Variants in PGM2L1 observed in about 807,000 individuals in gnomAD.
PGM2L1 encodes the protein glucose 1,6-bisphosphate synthase.
In PGM2L1, 35 loss-of-function variants were observed where a neutral mutation model predicts 73.4. The observed-to-expected ratio is 0.48, with a 90% CI of 0.36 to 0.63. The LOEUF is 0.63. Among genes scored for constraint, PGM2L1 ranks in the 30% least tolerant of loss-of-function variants. The pLI is 0.00. For missense variants in PGM2L1, 570 were observed against 742.0 expected (o/e 0.77, Z 2.69); for synonymous variants, 225 against 253.8 (o/e 0.89, Z 1.08).
At chr11:74,375,827 C>A (rs777117455) in intron 1 of PGM2L1, among the ~76,000 whole-genome samples, 3 of 152,032 alleles carry the variant, frequency 2.0e-5, no homozygotes, top group Non-Finnish European at 4.4e-5. Context: ...CACACACTAA[C>A]AAATAACCTA....
At chr11:74,395,547 G>A (rs1863159426) in intron 1 of PGM2L1, among the ~76,000 whole-genome samples, 1 of 94,344 alleles carries the variant, frequency 1.1e-5, no homozygotes, top group Non-Finnish European at 2.0e-5. Context: ...CACCTCGCCT[G>A]GCTTTTTTTT....
intron 5 of PGM2L1, among the ~76,000 whole-genome samples, chr11:74,363,644 C>A (rs1471628377): frequency 1.3e-5 from 2 of 152,196 alleles, no homozygotes. Context: ...CACATACACC[C>A]TCCCAAGACT....
At chr11:74,336,824 AT>A in intron 13 of PGM2L1, 70 bp from the exon 14 acceptor site, 1 of 1,056,220 alleles carries the variant, frequency 9.5e-7, no homozygotes. Context: ...AATTAGTGTG[AT>A]TTTTTAAGAG....
At position 74,370,979 on chromosome 11, in the gene PGM2L1, T is replaced by C; in HGVS notation, c.394A>G (p.Lys132Glu). 1.2e-6 allele frequency: 2 copies of C among 1,612,932 alleles called. No individual in the cohort carries two copies. The highest frequency in any genetic ancestry group is 1.1e-5 in the South Asian group (1 of 91,040). Reference sequence around the variant, plus strand: ...GCCAGCAAGACTGCAGCAGTGAGTTTAGCAAGCCTAAAAAAAGAGAGATTT... The same window carrying C: ...GCCAGCAAGACTGCAGCAGTGAGTTCAGCAAGCCTAAAAAAAGAGAGATTT... Reference protein sequence around the residue: ...TSSCSSQRLAKLTAAVLLAKD... With the variant: ...TSSCSSQRLAELTAAVLLAKD... Residue 132 changes from lysine to glutamate, a missense_variant, in exon 4 of 14, where the codon AAA (lysine) becomes GAA (glutamate). Transcript: ENST00000298198.
chr11:74,336,869 A>G, intron 13 of PGM2L1, 115 bp from the exon 14 acceptor site: 1 of 674,416 alleles, frequency 1.5e-6, no homozygotes, highest in Non-Finnish European at 2.3e-6. Flanking sequence ...TTGGTAAACA[A>G]AAGAGAAATT....
intron 6 of PGM2L1, among the ~76,000 whole-genome samples, chr11:74,348,124 T>C (rs1862297383): frequency 6.6e-6 from 1 of 152,144 alleles, no homozygotes; most frequent in South Asian, 2.1e-4. Flanking sequence ...GTGTTCTTTG[T>C]ATCAAAGGTC....
intron 4 of PGM2L1, among the ~76,000 whole-genome samples, chr11:74,369,287 A>G (rs1387034293): frequency 4.6e-5 from 7 of 152,094 alleles, no homozygotes; most frequent in Non-Finnish European, 8.8e-5. Context: ...ACAGTGTACA[A>G]AAATGGATAA....
chr11:74,398,186 G>T lies in PGM2L1; in HGVS notation c.-25C>A, dbSNP rs139636577. On this transcript the variant is annotated 5_prime_UTR_variant, in exon 1 of 14. Transcript: ENST00000298198. ...TGGCGACCAGACAGGCGTACGGGCC[G>T]GGGGCCGGCGAAGACACTGAGTTGG... 2.1e-3 allele frequency: 3,344 copies of T among 1,592,518 alleles called. 91 individuals carry two copies. The East Asian group carries it at 0.06, about 28-fold the overall frequency.
intron 1 of PGM2L1, among the ~76,000 whole-genome samples, chr11:74,378,459 T>C (rs1215696275): frequency 6.6e-6 from 1 of 152,200 alleles, no homozygotes; most frequent in Non-Finnish European, 1.5e-5. Context: ...TCCAAAAAAG[T>C]AATCCTGCAG....
intron 1 of PGM2L1, among the ~76,000 whole-genome samples, chr11:74,374,932 T>A (rs1862834592): frequency 6.6e-6 from 1 of 152,174 alleles, no homozygotes; most frequent in Non-Finnish European, 1.5e-5. Flanking sequence ...GTTTCAATCA[T>A]AGTTCACTGT....
intron 5 of PGM2L1, among the ~76,000 whole-genome samples, chr11:74,358,375 A>G (rs768540926): frequency 2.6e-5 from 4 of 152,230 alleles, no homozygotes; most frequent in Non-Finnish European, 4.4e-5. Flanking sequence ...CAAATATCTT[A>G]TAAATACATG....
At chr11:74,360,779 A>G (rs1862550179) in intron 5 of PGM2L1, among the ~76,000 whole-genome samples, 1 of 152,208 alleles carries the variant, frequency 6.6e-6, no homozygotes, top group Admixed American at 6.5e-5. Context: ...GGAGGGTCCC[A>G]TGCCCACAGA....
intron 1 of PGM2L1, among the ~76,000 whole-genome samples, chr11:74,396,611 T>C (rs1863180727): frequency 6.6e-6 from 1 of 152,088 alleles, no homozygotes; most frequent in Non-Finnish European, 1.5e-5. Flanking sequence ...AGACGGGGTT[T>C]CACCATGTTA....
chr11:74,395,251 A>C (rs1351324186), intron 1 of PGM2L1, among the ~76,000 whole-genome samples: 1 of 152,072 alleles, frequency 6.6e-6, no homozygotes, highest in Non-Finnish European at 1.5e-5. Context: ...ATTTTCTTTA[A>C]AGATATGATC....
At position 74,351,973 on chromosome 11, in the gene PGM2L1, TAAATAA is replaced by T. The variant is rs796469408; in HGVS notation, c.556-403_556-398del. 1.8e-3 allele frequency among the ~76,000 whole-genome samples: 253 copies of T among 142,014 alleles called. 3 individuals carry two copies. The highest frequency in any genetic ancestry group is 1.7e-3 in the Admixed American group (25 of 14,624). The allele number at this position is 142,014 out of a possible 152,430, so 93.2% of individuals were successfully genotyped here. On this transcript the variant is annotated intron_variant, in intron 5 of 13. Transcript: ENST00000298198. ...CGAGACTCTGTCTCAAAAAAAAAAA[TAAATAA>T]AAATAAAAATAAAAATAAAGCATAT...
rs759039164 is a variant in PGM2L1, at chr11:74,343,283, TATCA to T, written c.1312+36_1312+39del. The T allele has an allele frequency of 2.2e-5, 33 of 1,534,480 alleles. No individual in the cohort carries two copies. In the South Asian group the frequency reaches 2.8e-4, roughly 13 times the overall value. The stretch of plus-strand genomic sequence containing the variant: ...TCCTACAGAATTACATTTTAAAAAT[TATCA>T]ATCAAATTTTGAAGATTTTAATATT... On this transcript the variant is annotated intron_variant, in intron 10 of 13. Transcript: ENST00000298198.
At chr11:74,377,571 T>C (rs551142620) in intron 1 of PGM2L1, among the ~76,000 whole-genome samples, 120 of 152,202 alleles carry the variant, frequency 7.9e-4, no homozygotes, top group Non-Finnish European at 1.1e-3. Context: ...AAGTATTCCA[T>C]GCAAATATAA....
intron 5 of PGM2L1, among the ~76,000 whole-genome samples, chr11:74,362,428 A>G (rs1053590563): frequency 6.6e-6 from 1 of 152,224 alleles, no homozygotes; most frequent in Non-Finnish European, 1.5e-5. Context: ...GGTACCAGCC[A>G]CTGCAAAAAC....
chr11:74,345,164 T>C (rs1306194376), intron 9 of PGM2L1, among the ~76,000 whole-genome samples: 2 of 152,178 alleles, frequency 1.3e-5, no homozygotes, highest in Non-Finnish European at 2.9e-5. Flanking sequence ...TCTGAGTTAC[T>C]GATGGGGTCA....
Sources: allele counts gnomAD v4.1 joint callset (sites outside exome capture counted in the v4.1 genomes callset), GRCh38; gene constraint gnomAD v4.1.1; transcripts MANE v1.5; gene names NCBI Gene and HGNC (gene_info 2026-07-23, HGNC 2026-07-21).